DVL1: variants seen among roughly 807,000 people sequenced by gnomAD.
The protein encoded by DVL1 is dishevelled segment polarity protein 1.
DVL1 carries 49 observed loss-of-function variants against 65.0 expected under a neutral mutation model. The ratio of observed to expected loss-of-function variants is 0.75; its 90% CI spans 0.60 to 0.96. DVL1 has a LOEUF of 0.96. Ranked by LOEUF, DVL1 falls within the 40% of genes least tolerant of loss-of-function variation. The pLI, the probability that DVL1 is intolerant of heterozygous loss-of-function variation, is 0.00. For synonymous variants in DVL1, 608 were observed against 433.9 expected, an observed-to-expected ratio of 1.40 and a Z score of -4.99; for missense variants, 1,197 against 1,045.4, an observed-to-expected ratio of 1.15 and a Z score of -2.00.
chr1:1,341,785 G>T lies in DVL1; in HGVS notation c.487C>A (p.Pro163Thr). 1 of 1,595,600 alleles carries T rather than the reference G, an allele frequency of 6.3e-7. No homozygotes were observed. Among genetic ancestry groups the T allele is most frequent in the Non-Finnish European group, 8.6e-7 (1 of 1,169,400 alleles). ...REEAARTNGH[P>T]RGDRRRDVGL... is the part of the protein sequence containing the mutation. ...ACATCCCGCCGTCGGTCTCCCCTTG[G>T]GTGCCCATTGGTCCGGGCGGCTGTG... Residue 163 changes from proline (P) to threonine (T), a missense_variant, in exon 5 of 15, where the codon CCA becomes ACA. Transcript: ENST00000378888.
rs1397062703 is a variant in DVL1 at position 1,341,876 on chromosome 1, A to T, written c.467-71T>A. 4 of 1,493,424 alleles carry T rather than the reference A, an allele frequency of 2.7e-6. No homozygotes were observed. The African/African-American group carries it at 5.5e-5, about 21-fold the overall frequency. The allele number at this position is 1,493,424 out of a possible 1,614,324, so 92.5% of individuals were successfully genotyped here. On this transcript the variant is annotated intron_variant, in intron 4 of 14. Coordinates refer to ENST00000378888, the MANE Select transcript of DVL1 (RefSeq NM_001330311.2). ...GTCATGGGTTTGGGGCTGCCTGGGC[A>T]GTGCTGCATGCCTGTGGGTCTGGGA...
In DVL1 at chr1:1,339,424, G is replaced by A. The variant is rs1426824495; in HGVS notation, c.1070C>T (p.Pro357Leu). 6.5e-7 allele frequency: 1 copy of A among 1,548,660 alleles called. No individual in the cohort carries two copies. The highest frequency in any genetic ancestry group is 2.4e-5 in the East Asian group (1 of 40,884). Residue 357 changes from proline to leucine, a missense_variant, in exon 11 of 15, where the codon CCC (proline) becomes CTC (leucine). Pro to Leu is a moderately conservative substitution (Grantham distance 98, BLOSUM62 -3). Coordinates refer to ENST00000378888, the MANE Select transcript of DVL1 (RefSeq NM_001330311.2). Reference sequence around the variant, plus strand: ...GGACAGCCAGGCGGCGGGGTCGATGGGCCGCACCGGGTCAGCTGGGTGGCC... The same window carrying A: ...GGACAGCCAGGCGGCGGGGTCGATGAGCCGCACCGGGTCAGCTGGGTGGCC... ...FTVPRADPVR[P>L]IDPAAWLSHT...
chr1:1,342,333 A>G, intron 3 of DVL1, 30 bp downstream of exon 3: 1 of 1,544,288 alleles, frequency 6.5e-7, no homozygotes, highest in African/African-American at 1.4e-5. Context: ...GGCTTGGGGT[A>G]GCAGGGCCCA....
In DVL1 at chr1:1,338,656, G is replaced by T; in HGVS notation, c.1208-3C>A. On this transcript the variant is annotated splice_region_variant and splice_polypyrimidine_tract_variant and intron_variant, in intron 11 of 14. Coordinates refer to ENST00000378888, the MANE Select transcript of DVL1 (RefSeq NM_001330311.2). ...CGTCAGCGGCGCCTCTTCCAGCTCT[G>T]CAAAGCACAGACAGCCCCGCTTCAG... 1 of 1,608,320 alleles carries T rather than the reference G, an allele frequency of 6.2e-7. No individual in the cohort carries two copies.
chr1:1,338,731 C>A, intron 11 of DVL1, 78 bp from the exon 12 acceptor site: 2 of 1,536,576 alleles, frequency 1.3e-6, no homozygotes, highest in Non-Finnish European at 1.7e-6. Flanking sequence ...CCCAGGGGAG[C>A]CTCTGGGCAG....
intron 14 of DVL1, among the ~76,000 whole-genome samples, chr1:1,336,798 C>T (rs887112395): frequency 1.3e-5 from 2 of 152,280 alleles, no homozygotes; most frequent in East Asian, 1.9e-4. Flanking sequence ...CCTGGTCTTG[C>T]GGCTGAAAGA....
chr1:1,338,705 C>G (rs1234815948), intron 11 of DVL1, 52 bp from the exon 12 acceptor site: 1 of 1,579,794 alleles, frequency 6.3e-7, no homozygotes, highest in Admixed American at 1.7e-5. Flanking sequence ...AGGCGGGGGA[C>G]TCAGGGCCCT....
chr1:1,340,889 C>A (rs933005405), intron 5 of DVL1, among the ~76,000 whole-genome samples: 9 of 148,510 alleles, frequency 6.1e-5, no homozygotes, highest in Non-Finnish European at 1.3e-4. Context: ...ATGCACACCC[C>A]TGCACACGCA....
chr1:1,343,743 C>A (rs1643880141), intron 1 of DVL1, among the ~76,000 whole-genome samples: 1 of 152,026 alleles, frequency 6.6e-6, no homozygotes, highest in Admixed American at 6.5e-5. Context: ...CTGGGAGGGC[C>A]CACAGGTCCC....
rs575698253 is a variant in DVL1 at position 1,341,813 on chromosome 1, G to A, written c.467-8C>T. 31 of 1,571,524 alleles carry A rather than the reference G, an allele frequency of 2.0e-5. No individual in the cohort carries two copies. The South Asian group carries it at 3.4e-4, about 17-fold the overall frequency. The stretch of plus-strand genomic sequence containing the variant: ...GCCCATTGGTCCGGGCGGCTGTGGG[G>A]GCAGCAGGTTGGGAACTGACTGCAG... On this transcript the variant is annotated splice_polypyrimidine_tract_variant and splice_region_variant and intron_variant, in intron 4 of 14. Coordinates refer to ENST00000378888, the MANE Select transcript of DVL1 (RefSeq NM_001330311.2).
At chr1:1,344,429 C>T (rs1426210309) in intron 1 of DVL1, among the ~76,000 whole-genome samples, 2 of 152,168 alleles carry the variant, frequency 1.3e-5, no homozygotes, top group Non-Finnish European at 2.9e-5. Flanking sequence ...AAGTGGCAAA[C>T]CCACACTCTC....
In DVL1 at chr1:1,340,746, G is replaced by GCA. The variant is rs199520509; in HGVS notation, c.606-245_606-244dup. On this transcript the variant is annotated intron_variant, in intron 5 of 14. Transcript: ENST00000378888. ...AGCCAGATCCACTACTGACACACCTGCACACATGCACACCTGCACACACAT... is the reference window on the plus strand; with the variant it reads ...AGCCAGATCCACTACTGACACACCTGCACACACATGCACACCTGCACACACAT... Among the ~76,000 whole-genome samples, 9,484 of 151,870 alleles carry GCA rather than the reference G, an allele frequency of 0.062. 420 individuals are homozygous for GCA. Among genetic ancestry groups the GCA allele is most frequent in the African/African-American group, 0.13 (5,381 of 41,334 alleles).
chr1:1,338,229 T>TTGGCCCCCC, intron 13 of DVL1, 40 bp downstream of exon 13: 11 of 1,522,262 alleles, frequency 7.2e-6, no homozygotes, highest in Non-Finnish European at 9.0e-6. Context: ...CCTCCGGCGT[T>TTGGCCCCCC]CCCCTCCCCC....
intron 11 of DVL1, 68 bp from the exon 12 acceptor site, chr1:1,338,721 C>G: frequency 7.7e-6 from 12 of 1,552,876 alleles, no homozygotes; most frequent in Non-Finnish European, 1.0e-5. Context: ...GCCCTGCACC[C>G]CCAGGGGAGC....
chr1:1,336,680 G>A (rs918197151), intron 14 of DVL1, among the ~76,000 whole-genome samples, 165 bp from the exon 15 acceptor site: 6 of 152,184 alleles, frequency 3.9e-5, no homozygotes, highest in Non-Finnish European at 5.9e-5. Context: ...CCCCAGGGTC[G>A]CAGGGGCAGC....
chr1:1,340,129 C>A lies in DVL1; in HGVS notation c.818G>T (p.Arg273Leu). 3 of 1,613,658 alleles carry A rather than the reference C, an allele frequency of 1.9e-6. No individual in the cohort carries two copies. The highest frequency in any genetic ancestry group is 2.5e-6 in the Non-Finnish European group (3 of 1,179,984). ...GCCAATGTAGATGCCGCCGTCTCCA[C>A]GGTCGTTGCTCTGCCCCACGATGCT... ...GISIVGQSND[R>L]GDGGIYIGSI... Residue 273 changes from arginine to leucine, a missense_variant, in exon 8 of 15, where the codon CGT becomes CTT. Physicochemically the swap from Arg to Leu is moderately radical, Grantham distance 102. Transcript: ENST00000378888.
At chr1:1,338,714 C>T in intron 11 of DVL1, 61 bp from the exon 12 acceptor site, 1 of 1,569,128 alleles carries the variant, frequency 6.4e-7, no homozygotes, top group Non-Finnish European at 8.6e-7. Context: ...ACTCAGGGCC[C>T]TGCACCCCCA....
In DVL1 at chr1:1,340,461, G is replaced by A. The variant is rs1395070271; in HGVS notation, c.648C>T (p.Ile216=). Residue 216 remains isoleucine, a synonymous_variant, in exon 6 of 15, where the codon ATC becomes ATT. Transcript: ENST00000378888. ...TCCTCCGCCGGCGTTTGTGCTTCCG[G>A]ATGAGTCTGGATGAGGTGCTCTGCT... The part of the protein sequence containing the change: ...STEQSTSSRL[I]RKHKRRRRKQ... The A allele has an allele frequency of 6.2e-7, 1 of 1,610,958 alleles. No individual in the cohort carries two copies. Among genetic ancestry groups the A allele is most frequent in the African/African-American group, 1.3e-5 (1 of 75,020 alleles).
At chr1:1,343,942 G>A (rs556137737) in intron 1 of DVL1, among the ~76,000 whole-genome samples, 2 of 152,196 alleles carry the variant, frequency 1.3e-5, no homozygotes, top group East Asian at 1.9e-4. Context: ...GCTTGGGAAC[G>A]GGGCAGAGGG....
Sources: allele counts gnomAD v4.1 joint callset (sites outside exome capture counted in the v4.1 genomes callset), GRCh38; gene constraint gnomAD v4.1.1; transcripts MANE v1.5; gene names NCBI Gene and HGNC (gene_info 2026-07-23, HGNC 2026-07-21).